Variants in ATRNL1 observed in about 807,000 individuals in gnomAD.
The protein encoded by ATRNL1 is attractin like 1.
A neutral mutation model predicts 182.7 loss-of-function variants in ATRNL1; 95 were observed. The ratio of observed to expected loss-of-function variants is 0.52; its 90% CI spans 0.44 to 0.62. ATRNL1 has a LOEUF of 0.62. ATRNL1 is among the 20% of genes least tolerant of loss of function. The probability of loss-of-function intolerance (pLI) is 0.00; values close to 1 mark genes in which losing one functional copy is unlikely to be tolerated. For synonymous variants in ATRNL1, 576 were observed against 568.3 expected (o/e 1.01, Z -0.19); for missense variants, 1,471 against 1,679.5 (o/e 0.88, Z 2.17).
chr10:115,377,521 T>C (rs1433322944), intron 19 of ATRNL1, among the ~76,000 whole-genome samples: 6 of 152,224 alleles, frequency 3.9e-5, no homozygotes, highest in Non-Finnish European at 7.4e-5. Flanking sequence ...TTTAGCATCA[T>C]TATTTTGAAT....
chr10:115,175,794 T>C (rs966218712), intron 8 of ATRNL1, among the ~76,000 whole-genome samples: 2 of 152,090 alleles, frequency 1.3e-5, no homozygotes, highest in Non-Finnish European at 2.9e-5. Context: ...TGTGGTGTCA[T>C]AAAATAATCT....
chr10:115,353,560 T>A (rs1210076380), intron 19 of ATRNL1, among the ~76,000 whole-genome samples: 1 of 152,166 alleles, frequency 6.6e-6, no homozygotes, highest in Non-Finnish European at 1.5e-5. Flanking sequence ...TCCATTTACA[T>A]TCAGTGTTAT....
chr10:115,479,485 A>G (rs1554973733), intron 24 of ATRNL1, among the ~76,000 whole-genome samples: 1 of 151,532 alleles, frequency 6.6e-6, no homozygotes, highest in African/African-American at 2.4e-5. Flanking sequence ...AATGTAAATC[A>G]AACAAAAGTT....
chr10:115,754,194 A>G (rs1420887750), intron 27 of ATRNL1, among the ~76,000 whole-genome samples: 6 of 152,114 alleles, frequency 3.9e-5, no homozygotes, highest in Admixed American at 2.6e-4. Flanking sequence ...CCATTTGTCA[A>G]TTTTGGCTTT....
At chr10:115,547,550 C>T (rs1852738516) in intron 25 of ATRNL1, among the ~76,000 whole-genome samples, 1 of 151,930 alleles carries the variant, frequency 6.6e-6, no homozygotes, top group South Asian at 2.1e-4. Flanking sequence ...AATAACTGAG[C>T]TTTCTCTTTG....
chr10:115,705,662 T>C (rs1301579588), intron 26 of ATRNL1, among the ~76,000 whole-genome samples: 1 of 151,910 alleles, frequency 6.6e-6, no homozygotes, highest in Admixed American at 6.6e-5. Context: ...GCACTATAGA[T>C]TACTGTAAGA....
intron 24 of ATRNL1, among the ~76,000 whole-genome samples, chr10:115,518,970 C>G (rs531750194): frequency 6.6e-6 from 1 of 151,882 alleles, no homozygotes; most frequent in Non-Finnish European, 1.5e-5. Flanking sequence ...TTTGGTTAGG[C>G]ATATTTAATC....
chr10:115,209,259 A>G (rs1174272172), intron 8 of ATRNL1, among the ~76,000 whole-genome samples: 4 of 151,652 alleles, frequency 2.6e-5, no homozygotes, highest in Non-Finnish European at 5.9e-5. Flanking sequence ...TTTACTTCCT[A>G]CATCTTGTGT....
chr10:115,527,780 C>CCCTT (rs1851300118), intron 25 of ATRNL1, among the ~76,000 whole-genome samples: 1 of 135,228 alleles, frequency 7.4e-6, no homozygotes, highest in Non-Finnish European at 1.6e-5. Flanking sequence ...TTCCTTCCTT[C>CCCTT]CCTCCCTCCC....
At chr10:115,686,568 A>G (rs968800928) in intron 26 of ATRNL1, among the ~76,000 whole-genome samples, 1 of 152,016 alleles carries the variant, frequency 6.6e-6, no homozygotes, top group Non-Finnish European at 1.5e-5. Context: ...TCTTTTCATC[A>G]CTATTACTTA....
At chr10:115,381,562 C>T (rs913533358) in intron 19 of ATRNL1, among the ~76,000 whole-genome samples, 9 of 151,242 alleles carry the variant, frequency 6.0e-5, no homozygotes, top group Admixed American at 2.6e-4. Context: ...TGCAAGTCAC[C>T]GTGCCAGGCC....
At chr10:115,939,087 T>C (rs1435906691) in intron 28 of ATRNL1, among the ~76,000 whole-genome samples, 1 of 152,240 alleles carries the variant, frequency 6.6e-6, no homozygotes, top group Non-Finnish European at 1.5e-5. Context: ...TTCCACAATG[T>C]ATACATAGGT....
chr10:115,661,927 C>T (rs922615240), intron 26 of ATRNL1, among the ~76,000 whole-genome samples: 1 of 142,400 alleles, frequency 7.0e-6, no homozygotes, highest in African/African-American at 2.6e-5. Context: ...CCCCCTCCCC[C>T]CTCCTCCCAC....
chr10:115,123,546 C>T (rs1344248171), intron 3 of ATRNL1, among the ~76,000 whole-genome samples: 3 of 152,142 alleles, frequency 2.0e-5, no homozygotes, highest in Non-Finnish European at 4.4e-5. Flanking sequence ...GCTTAGAGTA[C>T]ATAGTAAGGA....
intron 26 of ATRNL1, among the ~76,000 whole-genome samples, chr10:115,605,285 G>T (rs74158401): frequency 0.011 from 1,659 of 152,140 alleles, 29 homozygotes; most frequent in African/African-American, 0.038. Flanking sequence ...TGAGCAGGAT[G>T]TTTGGTTTCC....
chr10:115,646,875 T>C (rs1240152831), intron 26 of ATRNL1, among the ~76,000 whole-genome samples: 2 of 151,746 alleles, frequency 1.3e-5, no homozygotes, highest in East Asian at 3.9e-4. Flanking sequence ...ACATTTGCCA[T>C]GTTGGTGTGC....
intron 24 of ATRNL1, among the ~76,000 whole-genome samples, chr10:115,501,120 G>A (rs1849812877): frequency 6.6e-6 from 1 of 151,650 alleles, no homozygotes; most frequent in Non-Finnish European, 1.5e-5. Flanking sequence ...GTTTGGTAGA[G>A]ACAGGGTTTC....
At chr10:115,809,580 T>C (rs1555086464) in intron 27 of ATRNL1, among the ~76,000 whole-genome samples, 2 of 152,080 alleles carry the variant, frequency 1.3e-5, no homozygotes, top group Non-Finnish European at 2.9e-5. Flanking sequence ...TTTTTCATTT[T>C]GATTTCCAAT....
intron 26 of ATRNL1, among the ~76,000 whole-genome samples, chr10:115,609,056 ATAT>A (rs1461342705): frequency 2.0e-5 from 3 of 152,060 alleles, no homozygotes; most frequent in Non-Finnish European, 2.9e-5. Flanking sequence ...TTTAAATAAA[ATAT>A]TATAAGTTAA....
Sources: allele counts gnomAD v4.1 joint callset (sites outside exome capture counted in the v4.1 genomes callset), GRCh38; gene constraint gnomAD v4.1.1; transcripts MANE v1.5; gene names NCBI Gene and HGNC (gene_info 2026-07-23, HGNC 2026-07-21).